FNDC9: variants seen among roughly 807,000 people sequenced by gnomAD.
FNDC9 encodes the protein fibronectin type III domain-containing protein 9.
FNDC9 carries 3 observed loss-of-function variants against 9.0 expected under a neutral mutation model. The ratio of observed to expected loss-of-function variants is 0.33; its 90% confidence interval spans 0.15 to 0.86. The LOEUF (loss-of-function observed/expected upper bound fraction) is 0.86. Ranked by LOEUF, FNDC9 falls within the 40% of genes least tolerant of loss-of-function variation. The pLI is 0.53. For synonymous variants in FNDC9, 114 were observed against 115.6 expected (o/e 0.99, Z 0.09); for missense variants, 279 against 287.2 (o/e 0.97, Z 0.21).
intron 1 of FNDC9, among the ~76,000 whole-genome samples, chr5:157,344,529 C>T (rs1178629032): frequency 6.6e-6 from 1 of 152,178 alleles, no homozygotes; most frequent in Non-Finnish European, 1.5e-5. Flanking sequence ...GCTGTTTTTC[C>T]AGACAAATCA....
chr5:157,344,265 T>C (rs1170759053), intron 1 of FNDC9, among the ~76,000 whole-genome samples: 1 of 152,230 alleles, frequency 6.6e-6, no homozygotes, highest in Non-Finnish European at 1.5e-5. Flanking sequence ...ATCATGGTAA[T>C]AACCACTCAC....
At position 157,343,451 on chromosome 5, in the gene FNDC9, T is replaced by C. The variant is rs146490778; in HGVS notation, c.86A>G (p.His29Arg). ...GTTCCAGTTGGGCCTGTACATAATA[T>C]GGTAATAGTCCTCCAGGCAGGGCTC... Reference protein sequence around the residue: ...SSEPCLEDYYHIMYRPNWNSI... With the variant: ...SSEPCLEDYYRIMYRPNWNSI... The change falls in exon 2 of 2, where the codon CAT becomes CGT. Residue 29 changes from histidine (H) to arginine (R), a missense_variant. Coordinates refer to ENST00000312349, the MANE Select transcript of FNDC9 (RefSeq NM_001001343.4). 9.5e-5 allele frequency: 153 copies of C among 1,613,708 alleles called. 2 individuals are homozygous for C. In the East Asian group the frequency reaches 3.2e-3, roughly 33 times the overall value.
chr5:157,343,398 T>G lies in FNDC9; in HGVS notation c.139A>C (p.Ser47Arg). The G allele has an allele frequency of 6.2e-7, 1 of 1,614,126 alleles. No homozygotes were observed. Among genetic ancestry groups the G allele is most frequent in the African/African-American group, 1.3e-5 (1 of 75,036 alleles). ...NSIFSGYLRY[S>R]FHHEEKVPRT... ...GGCACCTTCTCCTCGTGGTGGAAGC[T>G]GTAGCGAAGATAGCCAGAGAAGATG... Residue 47 changes from serine to arginine, a missense_variant, in exon 2 of 2, where the codon AGC (serine) becomes CGC (arginine). Physicochemically the swap from Ser to Arg is moderately radical, Grantham distance 110. Coordinates refer to ENST00000312349, the MANE Select transcript of FNDC9 (RefSeq NM_001001343.4).
chr5:157,342,815 T>G lies in FNDC9; in HGVS notation c.*47A>C. On this transcript the variant is annotated 3_prime_UTR_variant, in exon 2 of 2. Transcript: ENST00000312349. The stretch of plus-strand genomic sequence containing the variant: ...ACACATTTGTACAAACGACCTACTG[T>G]GTGGAAAGCTTTAGGCTACATGATG... 2 of 1,541,020 alleles carry G rather than the reference T, an allele frequency of 1.3e-6. No homozygotes were observed. Among genetic ancestry groups the G allele is most frequent in the South Asian group, 1.2e-5 (1 of 82,450 alleles).
rs1248047075 is a variant in FNDC9 at position 157,343,383 on chromosome 5, C to G, written c.154G>C (p.Glu52Gln). 6.2e-7 allele frequency: 1 copy of G among 1,614,190 alleles called. No homozygotes were observed. The highest frequency in any genetic ancestry group is 8.5e-7 in the Non-Finnish European group (1 of 1,180,034). Residue 52 changes from glutamate (E) to glutamine (Q), a missense_variant, in exon 2 of 2, where the codon GAG becomes CAG. Coordinates refer to ENST00000312349, the MANE Select transcript of FNDC9 (RefSeq NM_001001343.4). ...GYLRYSFHHE[E>Q]KVPRTISSVV... Reference sequence around the variant, plus strand: ...GAGCTGATCGTTCGAGGCACCTTCTCCTCGTGGTGGAAGCTGTAGCGAAGA... The same window carrying G: ...GAGCTGATCGTTCGAGGCACCTTCTGCTCGTGGTGGAAGCTGTAGCGAAGA...
rs367831706 is a variant in FNDC9, at chr5:157,343,511, G to A, written c.26C>T (p.Ser9Phe). Residue 9 changes from serine (S) to phenylalanine (F), a missense_variant, in exon 2 of 2, where the codon TCT becomes TTT. Coordinates refer to ENST00000312349, the MANE Select transcript of FNDC9 (RefSeq NM_001001343.4). ...CCAGGAGATGATGGCTCCTGTATAAGAAATGTTCCCCACCTCGATGTTCAT... is the reference window on the plus strand; with the variant it reads ...CCAGGAGATGATGGCTCCTGTATAAAAAATGTTCCCCACCTCGATGTTCAT... MNIEVGNI[S>F]YTGAIISWSS... 3 of 1,579,550 alleles carry A rather than the reference G, an allele frequency of 1.9e-6. No individual in the cohort carries two copies. The highest frequency in any genetic ancestry group is 2.3e-5 in the South Asian group (2 of 87,792).
intron 1 of FNDC9, among the ~76,000 whole-genome samples, chr5:157,344,098 TG>T (rs2113267031): frequency 6.6e-6 from 1 of 152,362 alleles, no homozygotes; most frequent in East Asian, 1.9e-4. Context: ...CGTCACTCTT[TG>T]GCAGCTGATC....
rs1229887983 is a variant in FNDC9 at position 157,341,849 on chromosome 5, T to A, written c.*1013A>T. 1 of 152,198 alleles carries A rather than the reference T, an allele frequency of 6.6e-6. No individual in the cohort carries two copies. Among genetic ancestry groups the A allele is most frequent in the African/African-American group, 2.4e-5 (1 of 41,414 alleles). The allele number at this position is 152,198 out of a possible 1,614,324, so 9.4% of individuals were successfully genotyped here. On this transcript the variant is annotated 3_prime_UTR_variant, in exon 2 of 2. Coordinates refer to ENST00000312349, the MANE Select transcript of FNDC9 (RefSeq NM_001001343.4). ...ATGCTTGGAGAGTACAGGCGTCTTC[T>A]CCAGAACAGCCTGCCTAGTCTGGTC...
intron 1 of FNDC9, 141 bp from the exon 2 acceptor site, chr5:157,343,684 G>C (rs1465632256): frequency 1.4e-6 from 1 of 713,226 alleles, no homozygotes; most frequent in Non-Finnish European, 2.2e-6. Flanking sequence ...GAGGCCGAGA[G>C]GTTCTGTTAT....
At position 157,343,441 on chromosome 5, in the gene FNDC9, G is replaced by C. The variant is rs758631150; in HGVS notation, c.96C>G (p.Tyr32Ter). The change falls in exon 2 of 2, where the codon TAC becomes TAG. Residue 32 changes from tyrosine to a stop codon, truncating the protein, a stop_gained. Coordinates refer to ENST00000312349, the MANE Select transcript of FNDC9 (RefSeq NM_001001343.4). LOFTEE classifies it high-confidence loss of function. ...AGAAGATGCTGTTCCAGTTGGGCCTGTACATAATATGGTAATAGTCCTCCA... is the reference window on the plus strand; with the variant it reads ...AGAAGATGCTGTTCCAGTTGGGCCTCTACATAATATGGTAATAGTCCTCCA... ...PCLEDYYHIM[Y>*]RPNWNSIFSG... 6.2e-7 allele frequency: 1 copy of C among 1,614,122 alleles called. No individual in the cohort carries two copies. Among genetic ancestry groups the C allele is most frequent in the Non-Finnish European group, 8.5e-7 (1 of 1,180,004 alleles).
chr5:157,345,365 C>G (rs1043667443), intron 1 of FNDC9, 176 bp downstream of exon 1: 1 of 152,628 alleles, frequency 6.6e-6, no homozygotes, highest in Non-Finnish European at 1.5e-5. Context: ...TGTCAAGACG[C>G]AAATAGCATC....
Position 157,342,901 on chromosome 5 carries a change from AC to A in FNDC9, c.635del (p.Gly212ValfsTer24), listed in dbSNP as rs748255153. On this transcript the variant is annotated frameshift_variant, in exon 2 of 2. Transcript: ENST00000312349. LOFTEE classifies it low-confidence loss of function (END_TRUNC). ...APDAGALQRGGGDPPAILPHC... is the reference protein window; with the variant it reads ...APDAGALQRGXGDPPAILPHC... ...GAGGCAGTATAGCGGGTGGGTCACCACCCCCCCTCTGTAAGGCACCCGCATC... is the reference window on the plus strand; with the variant it reads ...GAGGCAGTATAGCGGGTGGGTCACCACCCCCCTCTGTAAGGCACCCGCATC... 3.1e-6 allele frequency: 5 copies of A among 1,613,406 alleles called. No individual in the cohort carries two copies. The South Asian group carries it at 4.4e-5, about 14-fold the overall frequency.
At position 157,343,518 on chromosome 5, in the gene FNDC9, T is replaced by TC; in HGVS notation, c.18dup (p.Asn7GlufsTer73). The TC allele has an allele frequency of 6.4e-7, 1 of 1,568,140 alleles. No individual in the cohort carries two copies. Among genetic ancestry groups the TC allele is most frequent in the East Asian group, 2.3e-5 (1 of 44,250 alleles). On this transcript the variant is annotated frameshift_variant, in exon 2 of 2. Transcript: ENST00000312349. LOFTEE classifies it high-confidence loss of function. ...ATGATGGCTCCTGTATAAGAAATGTTCCCCACCTCGATGTTCATCCCGATT... is the reference window on the plus strand; with the variant it reads ...ATGATGGCTCCTGTATAAGAAATGTTCCCCCACCTCGATGTTCATCCCGATT...
rs759622473 is a variant in FNDC9 at position 157,342,868 on chromosome 5, C to G, written c.669G>C (p.Gly223=). 1 of 1,610,004 alleles carries G rather than the reference C, an allele frequency of 6.2e-7. No homozygotes were observed. Among genetic ancestry groups the G allele is most frequent in the East Asian group, 2.2e-5 (1 of 44,850 alleles). ...GDPPAILPHC[G]E is the part of the protein sequence containing the mutation. ...GGCGCTCTCCTCCCCACTCTCATTCCCCACAATGAGGCAGTATAGCGGGTG... is the reference window on the plus strand; with the variant it reads ...GGCGCTCTCCTCCCCACTCTCATTCGCCACAATGAGGCAGTATAGCGGGTG... The change falls in exon 2 of 2, where the codon GGG becomes GGC. Residue 223 remains glycine, a synonymous_variant. Coordinates refer to ENST00000312349, the MANE Select transcript of FNDC9 (RefSeq NM_001001343.4).
intron 1 of FNDC9, among the ~76,000 whole-genome samples, chr5:157,344,049 C>T (rs1762497687): frequency 1.3e-5 from 2 of 152,102 alleles, no homozygotes; most frequent in South Asian, 2.1e-4. Context: ...TTTTTTTAGC[C>T]TCCTGGTTCT....
rs1762263303 is a variant in FNDC9 at position 157,341,607 on chromosome 5, A to T, written c.*1255T>A. ...TCCAGGCAGAAACAGCTGTGAGTAT[A>T]TGAATCTTTATTTGTTCACAAGTAG... On this transcript the variant is annotated 3_prime_UTR_variant, in exon 2 of 2. Transcript: ENST00000312349. 1 of 160,494 alleles carries T rather than the reference A, an allele frequency of 6.2e-6. No homozygotes were observed. The highest frequency in any genetic ancestry group is 3.1e-3 in the Middle Eastern group (1 of 320). The allele number at this position is 160,494 out of a possible 1,614,324, so 9.9% of individuals were successfully genotyped here.
chr5:157,344,459 G>T (rs1307766068), intron 1 of FNDC9, among the ~76,000 whole-genome samples: 1 of 152,152 alleles, frequency 6.6e-6, no homozygotes, highest in Admixed American at 6.5e-5. Flanking sequence ...CTAATGCAAG[G>T]CTGCCGGGTT....
In FNDC9 at chr5:157,343,285, AG is replaced by A; in HGVS notation, c.251del (p.Pro84LeufsTer24). ...LCISCKKAAF[P>X]YRHYCTMFHT... ...GGAACATGGTGCAGTAGTGCCTGTA[AG>A]GGAAGGCAGCCTTCTTACAGCTGAT... On this transcript the variant is annotated frameshift_variant, in exon 2 of 2. Transcript: ENST00000312349. LOFTEE classifies it high-confidence loss of function. The A allele has an allele frequency of 6.2e-7, 1 of 1,614,186 alleles. No homozygotes were observed. The highest frequency in any genetic ancestry group is 8.5e-7 in the Non-Finnish European group (1 of 1,180,010).
At position 157,343,532 on chromosome 5, in the gene FNDC9, T is replaced by A; in HGVS notation, c.5A>T (p.Asn2Ile). M[N>I]IEVGNISYTG... ...ATAAGAAATGTTCCCCACCTCGATG[T>A]TCATCCCGATTCTGGAACCAGAATC... The change falls in exon 2 of 2, where the codon AAC (asparagine) becomes ATC (isoleucine). Residue 2 changes from asparagine (N) to isoleucine (I), a missense_variant. Coordinates refer to ENST00000312349, the MANE Select transcript of FNDC9 (RefSeq NM_001001343.4). 1 of 1,547,678 alleles carries A rather than the reference T, an allele frequency of 6.5e-7. No homozygotes were observed. Among genetic ancestry groups the A allele is most frequent in the Non-Finnish European group, 8.7e-7 (1 of 1,144,050 alleles).
Sources: gnomAD v4.1 joint callset for allele counts (sites outside exome capture counted in the v4.1 genomes callset) on GRCh38, gnomAD v4.1.1 for gene constraint, MANE v1.5 for transcripts, NCBI Gene and HGNC (gene_info 2026-07-23, HGNC 2026-07-21) for gene names.